SYNJ1: variants seen among roughly 807,000 people sequenced by gnomAD.
The protein encoded by SYNJ1 is polyphosphatidylinositol phosphatase SYNJ1.
SYNJ1 carries 78 observed loss-of-function variants against 168.2 expected under a neutral mutation model. That is an observed-to-expected ratio of 0.46 (90% CI 0.39 to 0.56). The LOEUF (loss-of-function observed/expected upper bound fraction) is 0.56. Ranked by LOEUF, SYNJ1 falls within the 20% of genes least tolerant of loss-of-function variation. SYNJ1 has a pLI of 0.00. For synonymous variants in SYNJ1, 539 were observed against 548.6 expected (o/e 0.98, Z 0.24); for missense variants, 1,303 against 1,597.6 (o/e 0.82, Z 3.14).
chr21:32,679,073 T>C (rs1331037044), intron 11 of SYNJ1, among the ~76,000 whole-genome samples: 1 of 152,126 alleles, frequency 6.6e-6, no homozygotes, highest in Admixed American at 6.5e-5. Context: ...GCAACAAATG[T>C]TTAAAATTGC....
At chr21:32,706,897 T>C (rs1047251104) in intron 2 of SYNJ1, among the ~76,000 whole-genome samples, 5 of 152,210 alleles carry the variant, frequency 3.3e-5, no homozygotes, top group African/African-American at 7.2e-5. Flanking sequence ...AGAAAGGCTA[T>C]ATACAACATT....
chr21:32,692,095 T>G (rs1448106072), intron 6 of SYNJ1, among the ~76,000 whole-genome samples: 1 of 152,146 alleles, frequency 6.6e-6, no homozygotes, highest in East Asian at 1.9e-4. Context: ...TAGAAGAAAT[T>G]ATGAAAACCT....
chr21:32,683,729 A>C (rs2041715561), intron 10 of SYNJ1, among the ~76,000 whole-genome samples: 1 of 152,144 alleles, frequency 6.6e-6, no homozygotes, highest in South Asian at 2.1e-4. Context: ...ACCCACACCC[A>C]CACATATATA....
chr21:32,727,567 G>A (rs1006369347), intron 1 of SYNJ1, among the ~76,000 whole-genome samples: 6 of 152,120 alleles, frequency 3.9e-5, no homozygotes, highest in Non-Finnish European at 7.4e-5. Flanking sequence ...GCACCGACCC[G>A]ACTGGGGCTC....
chr21:32,727,722 C>T, intron 1 of SYNJ1: 3 of 1,022,676 alleles, frequency 2.9e-6, no homozygotes, highest in Non-Finnish European at 4.0e-6. Flanking sequence ...CGCGGGCGGG[C>T]TGACAGCCGC....
chr21:32,726,871 T>C lies in SYNJ1; in HGVS notation c.25A>G (p.Ile9Val), dbSNP rs757895747. 5.6e-6 allele frequency: 9 copies of C among 1,614,020 alleles called. No individual in the cohort carries two copies. Among genetic ancestry groups the C allele is most frequent in the Non-Finnish European group, 7.6e-6 (9 of 1,180,030 alleles). Residue 9 changes from isoleucine (I) to valine (V), a missense_variant, in exon 2 of 33, where the codon ATC (isoleucine) becomes GTC (valine). Physicochemically the swap from Ile to Val is conservative, Grantham distance 29. Around this residue, in one of 2 missense-constraint regions of SYNJ1, gnomAD observed 920 missense variants for 1,208.8 expected, o/e 0.76. Coordinates refer to ENST00000674351, the MANE Select transcript of SYNJ1 (RefSeq NM_203446.3). ...GGTGGGGGATCCAATTTGTGATAGA[T>C]CCGGAATCCTTTACTGAACGCCATT... is the stretch of plus-strand genomic sequence containing the variant. MAFSKGFRIYHKLDPPPFS... is the reference protein window; with the variant it reads MAFSKGFRVYHKLDPPPFS...
At chr21:32,667,698 T>A (rs1000406550) in intron 15 of SYNJ1, among the ~76,000 whole-genome samples, 1 of 152,154 alleles carries the variant, frequency 6.6e-6, no homozygotes, top group South Asian at 2.1e-4. Flanking sequence ...GCCCCGCAAG[T>A]AGCTGAAACT....
intron 20 of SYNJ1, 36 bp from the exon 21 acceptor site, chr21:32,656,938 G>GT: frequency 6.2e-7 from 1 of 1,610,752 alleles, no homozygotes; most frequent in Non-Finnish European, 8.5e-7. Context: ...TATTAGAAAT[G>GT]TTTTTAAAAG....
chr21:32,671,815 T>C (rs565662267), intron 14 of SYNJ1, among the ~76,000 whole-genome samples: 28 of 152,114 alleles, frequency 1.8e-4, no homozygotes, highest in Non-Finnish European at 3.2e-4. Context: ...CACAACACTT[T>C]GGGAAGCCGA....
chr21:32,645,974 C>T, intron 24 of SYNJ1, 185 bp from the exon 25 acceptor site: 1 of 927,840 alleles, frequency 1.1e-6, no homozygotes, highest in South Asian at 1.3e-5. Context: ...ACCATGGCAG[C>T]AATAATGCTA....
chr21:32,677,903 A>T (rs2041474237), intron 12 of SYNJ1, among the ~76,000 whole-genome samples: 1 of 152,208 alleles, frequency 6.6e-6, no homozygotes, highest in Non-Finnish European at 1.5e-5. Context: ...TCTTTTTCAG[A>T]GTGCTAAAAA....
chr21:32,676,156 T>C (rs1338806866), intron 13 of SYNJ1, among the ~76,000 whole-genome samples, 176 bp downstream of exon 13: 2 of 152,224 alleles, frequency 1.3e-5, no homozygotes, highest in African/African-American at 4.8e-5. Context: ...GTACTTAATT[T>C]TCTCAAGCTT....
chr21:32,630,836 T>G lies in SYNJ1; in HGVS notation c.*969A>C, dbSNP rs956695580. 13 of 687,456 alleles carry G rather than the reference T, an allele frequency of 1.9e-5. No homozygotes were observed. The highest frequency in any genetic ancestry group is 3.1e-5 in the Admixed American group (1 of 32,638). The allele number at this position is 687,456 out of a possible 1,614,324, so 42.6% of individuals were successfully genotyped here. ...GAGAAGGGTTTTTCCTTATTTCCAA[T>G]ATACACATAGTCCAACTCTGTACAC... On this transcript the variant is annotated 3_prime_UTR_variant, in exon 33 of 33. Transcript: ENST00000674351.
At chr21:32,705,147 C>CA (rs113065510) in intron 2 of SYNJ1, among the ~76,000 whole-genome samples, 746 of 66,412 alleles carry the variant, frequency 0.011, 3 homozygotes, top group African/African-American at 0.027. Context: ...GACTCTGTCT[C>CA]AAAAAAAAAA....
chr21:32,658,839 G>A (rs929853538), intron 18 of SYNJ1, among the ~76,000 whole-genome samples: 3 of 152,226 alleles, frequency 2.0e-5, no homozygotes, highest in Non-Finnish European at 2.9e-5. Context: ...TCCCACCTGC[G>A]AAGCAGTCAG....
intron 2 of SYNJ1, among the ~76,000 whole-genome samples, chr21:32,702,609 TA>T (rs1237726391): frequency 6.6e-6 from 1 of 152,196 alleles, no homozygotes; most frequent in Non-Finnish European, 1.5e-5. Context: ...AATTACACAT[TA>T]AAAATTTCAC....
chr21:32,681,675 T>A (rs1264832719), intron 10 of SYNJ1, 27 bp from the exon 11 acceptor site: 1 of 1,586,470 alleles, frequency 6.3e-7, no homozygotes, highest in Non-Finnish European at 8.6e-7. Flanking sequence ...GAAATTTTTA[T>A]AAGTACATTA....
chr21:32,631,663 G>T lies in SYNJ1; in HGVS notation c.*142C>A, dbSNP rs371945882. ...GAAGGCAACTGAATCAACCTCTTTG[G>T]GTCTGGGGTGGGAACAGGTGACGTT... On this transcript the variant is annotated 3_prime_UTR_variant, in exon 33 of 33. Coordinates refer to ENST00000674351, the MANE Select transcript of SYNJ1 (RefSeq NM_203446.3). 1 of 1,614,036 alleles carries T rather than the reference G, an allele frequency of 6.2e-7. No individual in the cohort carries two copies. The highest frequency in any genetic ancestry group is 8.5e-7 in the Non-Finnish European group (1 of 1,180,032).
At chr21:32,719,182 A>T (rs2043128487) in intron 2 of SYNJ1, among the ~76,000 whole-genome samples, 1 of 152,250 alleles carries the variant, frequency 6.6e-6, no homozygotes. Context: ...GCAAACTCCC[A>T]GGGAAGCTGC....
Sources: gnomAD v4.1 joint callset for allele counts (sites outside exome capture counted in the v4.1 genomes callset) on GRCh38, gnomAD v4.1.1 for gene constraint, gnomAD v4.1.1 regional missense constraint, MANE v1.5 for transcripts, NCBI Gene and HGNC (gene_info 2026-07-23, HGNC 2026-07-21) for gene names.